The following DNMT3A variants were observed in gnomAD, a reference collection of about 807,000 sequenced individuals.
DNMT3A encodes DNA (cytosine-5)-methyltransferase 3A.
Under a neutral mutation model 117.6 loss-of-function variants are expected in DNMT3A, and 267 were observed. The ratio of observed to expected loss-of-function variants is 2.27; its 90% CI spans 2.05 to 2.51. The LOEUF is 2.51. Among genes scored for constraint, DNMT3A ranks in the 30% most tolerant of loss-of-function variants. The pLI is 0.00. For missense variants in DNMT3A, 1,029 were observed against 1,260.2 expected (o/e 0.82, Z 2.78); for synonymous variants, 432 against 474.8 (o/e 0.91, Z 1.17).
rs1014285473 is a variant in DNMT3A at position 25,247,572 on chromosome 2, G to A, written c.1014+19C>T. On this transcript the variant is annotated intron_variant, in intron 8 of 22. Coordinates refer to ENST00000321117, the MANE Select transcript of DNMT3A (RefSeq NM_022552.5). This position sits in a 1 kb window ranked among gnomAD's most constrained non-coding sequence, Gnocchi z 5.6. The stretch of plus-strand genomic sequence containing the variant: ...GAACCTTCCCCCACCCCAGGCTACT[G>A]CCAAACCCCACAACTTACCACTGAG... 1.9e-6 allele frequency: 3 copies of A among 1,611,108 alleles called. No homozygotes were observed. Among genetic ancestry groups the A allele is most frequent in the African/African-American group, 2.7e-5 (2 of 74,836 alleles).
At chr2:25,250,382 G>A (rs943155207) in intron 6 of DNMT3A, among the ~76,000 whole-genome samples, 2 of 152,202 alleles carry the variant, frequency 1.3e-5, no homozygotes, top group African/African-American at 4.8e-5. Flanking sequence ...TTCTAAAACA[G>A]GATAATGCAT....
At chr2:25,263,466 G>A (rs1006324085) in intron 6 of DNMT3A, among the ~76,000 whole-genome samples, 4 of 151,980 alleles carry the variant, frequency 2.6e-5, no homozygotes, top group African/African-American at 7.3e-5. Flanking sequence ...CCCCTACCCC[G>A]CCACTAGCAT....
rs1477763395 is a variant in DNMT3A, at chr2:25,233,680, T to C, written c.*599A>G. 4.4e-6 allele frequency: 1 copy of C among 228,806 alleles called. No individual in the cohort carries two copies. The highest frequency in any genetic ancestry group is 2.3e-5 in the African/African-American group (1 of 44,084). 14.2% of individuals were successfully genotyped at this position (228,806 alleles called of 1,614,324 possible). A position where few individuals can be genotyped will look rare whatever the true frequency, so the allele number is the denominator to read the frequency against. ...CAGCTCAGTGGCTGGGAGGGAATGC[T>C]GCCGCCTGAGTGTCTCTCTCTTTCC... On this transcript the variant is annotated 3_prime_UTR_variant, in exon 23 of 23. Coordinates refer to ENST00000321117, the MANE Select transcript of DNMT3A (RefSeq NM_022552.5).
At chr2:25,328,280 C>T (rs2149444248) in intron 1 of DNMT3A, among the ~76,000 whole-genome samples, 1 of 152,284 alleles carries the variant, frequency 6.6e-6, no homozygotes, top group South Asian at 2.1e-4. Flanking sequence ...CTGGTCTCAC[C>T]AGGGCTGGCT....
At chr2:25,272,698 C>A (rs1214025073) in intron 6 of DNMT3A, among the ~76,000 whole-genome samples, 1 of 152,176 alleles carries the variant, frequency 6.6e-6, no homozygotes, top group Admixed American at 6.5e-5. Context: ...AGACAGGCTG[C>A]CCTTTCTCCG....
At chr2:25,333,687 G>C (rs566029825) in intron 1 of DNMT3A, among the ~76,000 whole-genome samples, 5 of 152,276 alleles carry the variant, frequency 3.3e-5, no homozygotes, top group East Asian at 3.9e-4. Context: ...CTTTGTGGGG[G>C]TCACCCTAAC....
chr2:25,288,128 G>A (rs2032454768), intron 3 of DNMT3A, among the ~76,000 whole-genome samples: 1 of 148,240 alleles, frequency 6.7e-6, no homozygotes, highest in Non-Finnish European at 1.5e-5. Flanking sequence ...GAGCCACCAT[G>A]CCTGGCTTAA....
At position 25,296,940 on chromosome 2, in the gene DNMT3A, G is replaced by C. The variant is rs1347090035; in HGVS notation, c.177+3199C>G. ...CTCTTACTTCCCAGTCCCCATCCCTGTCACACCTGTCAGGACCTGAGCCAA... is the reference window on the plus strand; with the variant it reads ...CTCTTACTTCCCAGTCCCCATCCCTCTCACACCTGTCAGGACCTGAGCCAA... On this transcript the variant is annotated intron_variant, in intron 3 of 22. Transcript: ENST00000321117. This position sits in a 1 kb window ranked among gnomAD's most constrained non-coding sequence, Gnocchi z 4.2. Among the ~76,000 whole-genome samples, 1 of 152,140 alleles carries C rather than the reference G, an allele frequency of 6.6e-6. No homozygotes were observed. Among genetic ancestry groups the C allele is most frequent in the Non-Finnish European group, 1.5e-5 (1 of 68,026 alleles).
intron 2 of DNMT3A, among the ~76,000 whole-genome samples, chr2:25,307,757 G>A (rs1010586428): frequency 1.3e-5 from 2 of 152,134 alleles, no homozygotes; most frequent in Admixed American, 6.5e-5. Context: ...GAGCCACTGC[G>A]CCTGGCCCAT....
At position 25,246,231 on chromosome 2, in the gene DNMT3A, G is replaced by A. The variant is rs777500092; in HGVS notation, c.1358C>T (p.Pro453Leu). The A allele has an allele frequency of 1.9e-6, 3 of 1,614,164 alleles. No individual in the cohort carries two copies. The highest frequency in any genetic ancestry group is 1.7e-6 in the Non-Finnish European group (2 of 1,180,024). ...PEAAAYAPPP[P>L]AKKPRKSTAE... ...TGTGCTCTTCCGGGGCTTTTTGGCTGGTGGAGGTGGTGCGTAGGCAGCTGC... is the reference window on the plus strand; with the variant it reads ...TGTGCTCTTCCGGGGCTTTTTGGCTAGTGGAGGTGGTGCGTAGGCAGCTGC... The change falls in exon 11 of 23, where the codon CCA (proline) becomes CTA (leucine). Residue 453 changes from proline (P) to leucine (L), a missense_variant. Physicochemically the swap from Pro to Leu is moderately conservative, Grantham distance 98 (BLOSUM62 -3). Coordinates refer to ENST00000321117, the MANE Select transcript of DNMT3A (RefSeq NM_022552.5).
At chr2:25,251,508 C>T (rs1484488673) in intron 6 of DNMT3A, among the ~76,000 whole-genome samples, 1 of 152,154 alleles carries the variant, frequency 6.6e-6, no homozygotes. Flanking sequence ...TGCCTCCGGT[C>T]CAGTCCCATC....
chr2:25,286,005 CT>C lies in DNMT3A; in HGVS notation c.178-3295del, dbSNP rs35315212. On this transcript the variant is annotated intron_variant, in intron 3 of 22. Coordinates refer to ENST00000321117, the MANE Select transcript of DNMT3A (RefSeq NM_022552.5). This position sits in a 1 kb window ranked among gnomAD's most constrained non-coding sequence, Gnocchi z 4.3. The stretch of plus-strand genomic sequence containing the variant: ...CTAAGAAGCTTAGGTCAGAGCCAGA[CT>C]TTTTCATGGCTGCGTCTTCCTTTCT... Among the ~76,000 whole-genome samples the C allele has an allele frequency of 3.3e-5, 5 of 152,246 alleles. No individual in the cohort carries two copies. Among genetic ancestry groups the C allele is most frequent in the African/African-American group, 1.2e-4 (5 of 41,470 alleles).
intron 6 of DNMT3A, among the ~76,000 whole-genome samples, chr2:25,270,025 C>A (rs1427510347): frequency 2.0e-5 from 3 of 152,248 alleles, no homozygotes; most frequent in South Asian, 4.1e-4. Flanking sequence ...GGCACACAGC[C>A]TAGGGGAAGG....
chr2:25,310,493 G>T (rs2034053180), intron 2 of DNMT3A, among the ~76,000 whole-genome samples: 1 of 152,092 alleles, frequency 6.6e-6, no homozygotes, highest in Non-Finnish European at 1.5e-5. Flanking sequence ...GGCGGCAGGT[G>T]CCAGGGGGAC....
At chr2:25,251,992 C>T in intron 6 of DNMT3A, 1 of 622,444 alleles carries the variant, frequency 1.6e-6, no homozygotes, top group Non-Finnish European at 2.6e-6. Context: ...GGAGTGGGGC[C>T]TTGGGGCTCG....
intron 1 of DNMT3A, among the ~76,000 whole-genome samples, chr2:25,340,594 C>G (rs1157631669): frequency 6.6e-6 from 1 of 152,010 alleles, no homozygotes; most frequent in Non-Finnish European, 1.5e-5. Flanking sequence ...CCTGCGGCTC[C>G]GAAGCTCGAG....
intron 6 of DNMT3A, among the ~76,000 whole-genome samples, chr2:25,271,949 C>A (rs2149360382): frequency 6.6e-6 from 1 of 152,304 alleles, no homozygotes; most frequent in Non-Finnish European, 1.5e-5. Flanking sequence ...CTACTCTCTG[C>A]TTCTGCATAT....
chr2:25,234,557 A>C lies in DNMT3A; in HGVS notation c.2598-137T>G. The C allele has an allele frequency of 1.1e-6, 1 of 947,896 alleles. No individual in the cohort carries two copies. The highest frequency in any genetic ancestry group is 2.0e-5 in the South Asian group (1 of 49,208). The allele number at this position is 947,896 out of a possible 1,614,324, so 58.7% of individuals were successfully genotyped here. A position where few individuals can be genotyped will look rare whatever the true frequency, so the allele number is the denominator to read the frequency against. On this transcript the variant is annotated intron_variant, in intron 22 of 22. Coordinates refer to ENST00000321117, the MANE Select transcript of DNMT3A (RefSeq NM_022552.5). This position sits in a 1 kb window ranked among gnomAD's most constrained non-coding sequence, Gnocchi z 4.5. ...GGGACAGGGGCACTCACACCCACCA[A>C]CTCCTCTGACGCCTGCTTAGTTCTG...
chr2:25,243,049 G>A (rs1202934649), intron 16 of DNMT3A, among the ~76,000 whole-genome samples: 6 of 152,178 alleles, frequency 3.9e-5, no homozygotes, highest in African/African-American at 1.4e-4. Flanking sequence ...GCTCATGCCT[G>A]TAATCCCAGC....
Sources: gnomAD v4.1 joint callset for allele counts (sites outside exome capture counted in the v4.1 genomes callset) on GRCh38, gnomAD v4.1.1 for gene constraint, Gnocchi (gnomAD v3.1) non-coding constraint, MANE v1.5 for transcripts, NCBI Gene and HGNC (gene_info 2026-07-23, HGNC 2026-07-21) for gene names.